Variants in MRI1 observed in about 807,000 individuals in gnomAD.
The protein encoded by MRI1 is methylthioribose-1-phosphate isomerase 1, also known as methylthioribose-1-phosphate isomerase.
In MRI1, 32 loss-of-function variants were observed where a neutral mutation model predicts 27.3. The ratio of observed to expected loss-of-function variants is 1.17; its 90% CI spans 0.88 to 1.57. MRI1 has a LOEUF of 1.57. MRI1 is among the 40% of genes most tolerant of loss of function. The pLI is 0.00. For missense variants in MRI1, 508 were observed against 516.1 expected, an observed-to-expected ratio of 0.98 and a Z score of 0.15; for synonymous variants, 216 against 227.4, an observed-to-expected ratio of 0.95 and a Z score of 0.45.
At chr19:13,767,276 A>C (rs1404877684) in intron 3 of MRI1, among the ~76,000 whole-genome samples, 1 of 151,518 alleles carries the variant, frequency 6.6e-6, no homozygotes, top group Non-Finnish European at 1.5e-5. Flanking sequence ...CGAACTTCTG[A>C]CCTTAGGCGG....
intron 2 of MRI1, 34 bp downstream of exon 2, chr19:13,765,143 C>A: frequency 6.8e-7 from 1 of 1,467,946 alleles, no homozygotes; most frequent in Non-Finnish European, 9.1e-7. Flanking sequence ...CGGCGCTGAG[C>A]AGGAATTATA....
intron 5 of MRI1, among the ~76,000 whole-genome samples, chr19:13,771,319 A>T (rs543544886): frequency 2.0e-5 from 3 of 151,916 alleles, no homozygotes; most frequent in Admixed American, 6.6e-5. Context: ...GTGAGTTGAG[A>T]TCATGTCACT....
intron 1 of MRI1, 57 bp from the exon 2 acceptor site, chr19:13,764,814 G>A (rs1974078002): frequency 8.1e-7 from 1 of 1,241,088 alleles, no homozygotes; most frequent in Admixed American, 4.4e-5. Context: ...CGGCCGGGTT[G>A]GAGGTGGGAG....
intron 2 of MRI1, 114 bp from the exon 3 acceptor site, chr19:13,765,840 C>A: frequency 8.3e-7 from 1 of 1,210,522 alleles, no homozygotes; most frequent in Non-Finnish European, 1.2e-6. Flanking sequence ...GGCCCCACAG[C>A]AATGAGAGGC....
At chr19:13,771,458 G>A (rs767033616) in intron 5 of MRI1, among the ~76,000 whole-genome samples, 20 of 152,168 alleles carry the variant, frequency 1.3e-4, no homozygotes, top group Non-Finnish European at 2.5e-4. Flanking sequence ...TTGAATCCAA[G>A]AGGCAGAGGT....
chr19:13,766,200 C>G (rs1381337781), intron 3 of MRI1, 71 bp downstream of exon 3: 1 of 1,371,252 alleles, frequency 7.3e-7, no homozygotes, highest in African/African-American at 1.5e-5. Context: ...GAAAGAATCC[C>G]AAACCCAAAC....
At position 13,772,275 on chromosome 19, in the gene MRI1, GATGTAACCAA is replaced by G; in HGVS notation, c.1105_*4del. ...GGGATGGAACCCTAGATGGACCCCA[GATGTAACCAA>G]CTCAGCTCTCCCTAGCCTGCCTCTC... On this transcript the variant is annotated stop_lost and 3_prime_UTR_variant, in exon 6 of 6. Coordinates refer to ENST00000040663, the MANE Select transcript of MRI1 (RefSeq NM_001031727.4). The G allele has an allele frequency of 6.2e-7, 1 of 1,612,508 alleles. No homozygotes were observed. Among genetic ancestry groups the G allele is most frequent in the Non-Finnish European group, 8.5e-7 (1 of 1,179,334 alleles).
Position 13,774,210 on chromosome 19 carries a change from T to C in MRI1, c.*1929T>C, listed in dbSNP as rs1044747. ...CCCTAACCTAGTCTGAGTTTTTATG[T>C]GTAAAGATCATAAAACGTTGTAAGT... is the stretch of plus-strand genomic sequence containing the variant. On this transcript the variant is annotated 3_prime_UTR_variant, in exon 6 of 6. Coordinates refer to ENST00000040663, the MANE Select transcript of MRI1 (RefSeq NM_001031727.4). 0.17 allele frequency: 69,886 copies of C among 413,588 alleles called. 7,957 individuals carry two copies. Among genetic ancestry groups the C allele is most frequent in the African/African-American group, 0.36 (18,556 of 50,896 alleles). 25.6% of individuals were successfully genotyped at this position (413,588 alleles called of 1,614,324 possible).
intron 5 of MRI1, among the ~76,000 whole-genome samples, chr19:13,771,699 TA>T (rs1342193732): frequency 1.3e-5 from 2 of 151,570 alleles, no homozygotes; most frequent in Admixed American, 6.6e-5. Flanking sequence ...TCGTCTCTAC[TA>T]AAAATACTGG....
At chr19:13,767,037 ATTTTTTTTTTTTTTTTTT>A (rs1161584156) in intron 3 of MRI1, among the ~76,000 whole-genome samples, 21 of 21,146 alleles carry the variant, frequency 9.9e-4, no homozygotes, top group African/African-American at 3.7e-3. Context: ...ATATATATAT[ATTTTTTTTTTTTTTTTTT>A]TTTTTTTTTT....
chr19:13,766,160 G>A lies in MRI1; in HGVS notation c.547+31G>A, dbSNP rs201329213. 4.6e-4 allele frequency: 680 copies of A among 1,484,946 alleles called. 2 individuals carry two copies. Among genetic ancestry groups the A allele is most frequent in the Middle Eastern group, 1.2e-3 (6 of 5,176 alleles). The allele number at this position is 1,484,946 out of a possible 1,614,324, so 92.0% of individuals were successfully genotyped here. ...AGGGCCTCCTCAGGGGGTAGGGGAG[G>A]GCCTTCTAGGAACTTTTTTAGATAC... On this transcript the variant is annotated intron_variant, in intron 3 of 5. Transcript: ENST00000040663.
At chr19:13,769,761 A>G (rs1223007846) in intron 5 of MRI1, among the ~76,000 whole-genome samples, 1 of 151,920 alleles carries the variant, frequency 6.6e-6, no homozygotes, top group South Asian at 2.1e-4. Flanking sequence ...CTCTACTAAA[A>G]ATACAAAAAT....
At chr19:13,770,655 G>A (rs545330278) in intron 5 of MRI1, among the ~76,000 whole-genome samples, 9 of 152,072 alleles carry the variant, frequency 5.9e-5, no homozygotes, top group African/African-American at 2.2e-4. Flanking sequence ...AAGCCGAGGC[G>A]GGCGGATCAC....
chr19:13,767,006 C>CATATATATATATATATATAT (rs1491354474), intron 3 of MRI1, among the ~76,000 whole-genome samples: 1 of 69,562 alleles, frequency 1.4e-5, no homozygotes, highest in Non-Finnish European at 2.6e-5. Context: ...TATGCACATC[C>CATATATATATATATATATAT]ACATATATAT....
In MRI1 at chr19:13,772,321, A is replaced by C. The variant is rs1418720955; in HGVS notation, c.*40A>C. 2 of 1,581,130 alleles carry C rather than the reference A, an allele frequency of 1.3e-6. No homozygotes were observed. The highest frequency in any genetic ancestry group is 3.6e-5 in the Admixed American group (2 of 55,782). ...CCTAGCCTGCCTCTCTAGGTTTTTCAATACATTTCTTGAATGGCTACCCAA... is the reference window on the plus strand; with the variant it reads ...CCTAGCCTGCCTCTCTAGGTTTTTCCATACATTTCTTGAATGGCTACCCAA... On this transcript the variant is annotated 3_prime_UTR_variant, in exon 6 of 6. Coordinates refer to ENST00000040663, the MANE Select transcript of MRI1 (RefSeq NM_001031727.4).
In MRI1 at chr19:13,772,204, G is replaced by T. The variant is rs923571999; in HGVS notation, c.1033G>T (p.Ala345Ser). Residue 345 changes from alanine (A) to serine (S), a missense_variant, in exon 6 of 6, where the codon GCC becomes TCC. Around this residue, in one of 3 missense-constraint regions of MRI1, gnomAD observed 457 missense variants for 452.8 expected, o/e 1.01. Transcript: ENST00000040663. ...CATCATCACAGAACTGGGGGTCTTT[G>T]CCCCTGAGGAGCTCCGGACAGCCCT... ...GGIITELGVF[A>S]PEELRTALTT... is the part of the protein sequence containing the mutation. 15 of 1,613,936 alleles carry T rather than the reference G, an allele frequency of 9.3e-6. No individual in the cohort carries two copies. The highest frequency in any genetic ancestry group is 1.7e-5 in the Admixed American group (1 of 59,984).
intron 3 of MRI1, among the ~76,000 whole-genome samples, chr19:13,766,540 C>T (rs938240251): frequency 1.3e-5 from 2 of 152,092 alleles, no homozygotes; most frequent in African/African-American, 4.8e-5. Context: ...ACGTGGACTC[C>T]AGGAGGAACT....
At position 13,774,210 on chromosome 19, in the gene MRI1, T is replaced by A. The variant is rs1044747; in HGVS notation, c.*1929T>A. ...CCCTAACCTAGTCTGAGTTTTTATG[T>A]GTAAAGATCATAAAACGTTGTAAGT... On this transcript the variant is annotated 3_prime_UTR_variant, in exon 6 of 6. Coordinates refer to ENST00000040663, the MANE Select transcript of MRI1 (RefSeq NM_001031727.4). 1 of 414,234 alleles carries A rather than the reference T, an allele frequency of 2.4e-6. No homozygotes were observed. The highest frequency in any genetic ancestry group is 3.7e-5 in the East Asian group (1 of 27,246). The allele number at this position is 414,234 out of a possible 1,614,324, so 25.7% of individuals were successfully genotyped here. A position where few individuals can be genotyped will look rare whatever the true frequency, so the allele number is the denominator to read the frequency against.
rs28377525 is a variant in MRI1 at position 13,770,659 on chromosome 19, G to A, written c.950-1462G>A. On this transcript the variant is annotated intron_variant, in intron 5 of 5. Transcript: ENST00000040663. ...AGCACTTTGGGAAGCCGAGGCGGGCGGATCACCTGAGGTCGGGAGTTCAAG... is the reference window on the plus strand; with the variant it reads ...AGCACTTTGGGAAGCCGAGGCGGGCAGATCACCTGAGGTCGGGAGTTCAAG... Among the ~76,000 whole-genome samples, 692 of 151,892 alleles carry A rather than the reference G, an allele frequency of 4.6e-3. 6 individuals are homozygous for A. Among genetic ancestry groups the A allele is most frequent in the African/African-American group, 0.016 (653 of 41,432 alleles).
Sources: gnomAD v4.1 joint callset for allele counts (sites outside exome capture counted in the v4.1 genomes callset) on GRCh38, gnomAD v4.1.1 for gene constraint, gnomAD v4.1.1 regional missense constraint, MANE v1.5 for transcripts, NCBI Gene and HGNC (gene_info 2026-07-23, HGNC 2026-07-21) for gene names.